MRTFA: variants seen among roughly 807,000 people sequenced by gnomAD.
MRTFA encodes myocardin-related transcription factor A.
MRTFA carries 20 observed loss-of-function variants against 83.5 expected under a neutral mutation model. The observed-to-expected ratio is 0.24, with a 90% CI of 0.17 to 0.35. MRTFA has a LOEUF of 0.35. MRTFA is among the 10% of genes least tolerant of loss of function. The probability of loss-of-function intolerance (pLI) is 1.00; values close to 1 mark genes in which losing one functional copy is unlikely to be tolerated. For synonymous variants in MRTFA, 659 were observed against 541.2 expected (o/e 1.22, Z -3.02); for missense variants, 1,200 against 1,224.7 (o/e 0.98, Z 0.30).
At chr22:40,619,791 G>A (rs2056497807) in intron 1 of MRTFA, among the ~76,000 whole-genome samples, 1 of 150,024 alleles carries the variant, frequency 6.7e-6, no homozygotes, top group African/African-American at 2.5e-5. Flanking sequence ...TCAGGAGGCT[G>A]AGGCAGAAGA....
At chr22:40,566,456 G>T (rs941727624) in intron 2 of MRTFA, among the ~76,000 whole-genome samples, 1 of 151,870 alleles carries the variant, frequency 6.6e-6, no homozygotes, top group African/African-American at 2.4e-5. Context: ...TCCTGACCTC[G>T]TGATCCACCC....
chr22:40,620,237 T>A (rs1237682864), intron 1 of MRTFA, among the ~76,000 whole-genome samples: 1 of 151,438 alleles, frequency 6.6e-6, no homozygotes, highest in Non-Finnish European at 1.5e-5. Context: ...GTGATTCTCC[T>A]ACTCAGCCTC....
At chr22:40,599,901 T>C (rs1311544226) in intron 1 of MRTFA, among the ~76,000 whole-genome samples, 1 of 140,520 alleles carries the variant, frequency 7.1e-6, no homozygotes, top group African/African-American at 2.6e-5. Context: ...ACGCTGTGTC[T>C]TTAAAAAAAA....
chr22:40,553,745 T>C (rs2055478774), intron 2 of MRTFA, among the ~76,000 whole-genome samples: 1 of 152,198 alleles, frequency 6.6e-6, no homozygotes, highest in Non-Finnish European at 1.5e-5. Context: ...ACTGGAGCAC[T>C]GCCTAGTAGA....
At chr22:40,455,475 T>C (rs2053566157) in intron 4 of MRTFA, among the ~76,000 whole-genome samples, 1 of 151,564 alleles carries the variant, frequency 6.6e-6, no homozygotes, top group South Asian at 2.1e-4. Flanking sequence ...TGAAACCCCG[T>C]CTCTACTAAA....
intron 2 of MRTFA, among the ~76,000 whole-genome samples, chr22:40,578,860 CTGCAGTGAGCCAAGA>C (rs146624917): frequency 0.09 from 13,673 of 152,146 alleles, 796 homozygotes; most frequent in East Asian, 0.25. Context: ...GAAGTCAAGG[CTGCAGTGAGCCAAGA>C]TTGTGCCACT....
intron 3 of MRTFA, among the ~76,000 whole-genome samples, chr22:40,516,242 A>G (rs2054756040): frequency 6.6e-6 from 1 of 151,862 alleles, no homozygotes; most frequent in South Asian, 2.1e-4. Context: ...AACATGGCGA[A>G]ATCCTGCCTC....
chr22:40,550,159 G>A (rs866379711), intron 3 of MRTFA, among the ~76,000 whole-genome samples: 2 of 151,412 alleles, frequency 1.3e-5, no homozygotes, highest in Admixed American at 6.6e-5. Context: ...GGGCACGCAG[G>A]TATTCACTGT....
intron 2 of MRTFA, chr22:40,587,281 C>G: frequency 4.1e-6 from 2 of 487,998 alleles, no homozygotes; most frequent in South Asian, 1.5e-5. Context: ...GTCCCACATG[C>G]CCATCAGGAG....
At chr22:40,502,287 G>A (rs1279266299) in intron 3 of MRTFA, among the ~76,000 whole-genome samples, 47 of 118,744 alleles carry the variant, frequency 4.0e-4, no homozygotes, top group African/African-American at 7.5e-4. Context: ...GGGCGGAGGG[G>A]CTCCTCACTT....
chr22:40,477,220 G>A (rs1308616592), intron 3 of MRTFA, among the ~76,000 whole-genome samples: 1 of 150,608 alleles, frequency 6.6e-6, no homozygotes, highest in Non-Finnish European at 1.5e-5. Context: ...CATGGTGGCG[G>A]GCACTTGTAA....
chr22:40,488,334 G>A (rs2054207672), intron 3 of MRTFA, among the ~76,000 whole-genome samples: 1 of 152,084 alleles, frequency 6.6e-6, no homozygotes, highest in South Asian at 2.1e-4. Flanking sequence ...GGCTGACTAG[G>A]GTCAGACTGT....
At chr22:40,519,459 C>T (rs1474670806) in intron 3 of MRTFA, 5 of 1,337,670 alleles carry the variant, frequency 3.7e-6, no homozygotes, top group Non-Finnish European at 5.0e-6. Flanking sequence ...TTTAGCGTTA[C>T]CTACCAGTGC....
intron 3 of MRTFA, among the ~76,000 whole-genome samples, chr22:40,474,588 T>G (rs972901605): frequency 2.0e-5 from 3 of 152,212 alleles, no homozygotes; most frequent in African/African-American, 7.2e-5. Flanking sequence ...CCTTAGCTCC[T>G]TGTCCCAACC....
chr22:40,418,705 T>C lies in MRTFA; in HGVS notation c.2033A>G (p.Glu678Gly). Residue 678 changes from glutamate (E) to glycine (G), a missense_variant, in exon 12 of 15, where the codon GAG (glutamate) becomes GGG (glycine). By Grantham distance (98) the Glu-to-Gly change is moderately conservative (BLOSUM62 -2). Transcript: ENST00000355630. ...CAGCTGGCAGCTGGAGAAGCTGTTC[T>C]CCTGCTTCACGGGGGTGCCGAGGGG... 1 of 1,131,008 alleles carries C rather than the reference T, an allele frequency of 8.8e-7. No homozygotes were observed. The highest frequency in any genetic ancestry group is 1.1e-6 in the Non-Finnish European group (1 of 885,338). 70.1% of individuals were successfully genotyped at this position (1,131,008 alleles called of 1,614,324 possible). A position where few individuals can be genotyped will look rare whatever the true frequency, so the allele number is the denominator to read the frequency against.
chr22:40,452,130 C>T (rs753157499), intron 4 of MRTFA, among the ~76,000 whole-genome samples: 23 of 151,890 alleles, frequency 1.5e-4, no homozygotes, highest in Admixed American at 8.5e-4. Context: ...ACGACAGGCG[C>T]GTGCCATCAC....
intron 3 of MRTFA, chr22:40,533,507 C>T: frequency 1.3e-6 from 1 of 784,492 alleles, no homozygotes; most frequent in Non-Finnish European, 1.7e-6. Flanking sequence ...AAATATGACC[C>T]ATTTTTTTTA....
intron 1 of MRTFA, among the ~76,000 whole-genome samples, chr22:40,634,766 T>C (rs1475510746): frequency 2.6e-5 from 4 of 152,240 alleles, no homozygotes; most frequent in African/African-American, 7.2e-5. Context: ...CCAAACTTTA[T>C]GGTTTTGCCC....
chr22:40,514,191 C>T (rs183411548), intron 3 of MRTFA, among the ~76,000 whole-genome samples: 1 of 151,234 alleles, frequency 6.6e-6, no homozygotes, highest in Admixed American at 6.6e-5. Context: ...CCCAGGTTGG[C>T]AGTGAGCCAA....
Sources: gnomAD v4.1 joint callset for allele counts (sites outside exome capture counted in the v4.1 genomes callset) on GRCh38, gnomAD v4.1.1 for gene constraint, MANE v1.5 for transcripts, NCBI Gene and HGNC (gene_info 2026-07-23, HGNC 2026-07-21) for gene names.